Variants in UNC5B observed in about 807,000 individuals in gnomAD.
The protein encoded by UNC5B is unc-5 netrin receptor B.
In UNC5B, 56 loss-of-function variants were observed where a neutral mutation model predicts 103.7. The ratio of observed to expected loss-of-function variants is 0.54; its 90% CI spans 0.44 to 0.67. UNC5B has a LOEUF of 0.67. Ranked by LOEUF, UNC5B falls within the 30% of genes least tolerant of loss-of-function variation. UNC5B has a pLI of 0.00. For missense variants in UNC5B, 1,194 were observed against 1,284.5 expected, an observed-to-expected ratio of 0.93 and a Z score of 1.08; for synonymous variants, 577 against 542.0, an observed-to-expected ratio of 1.06 and a Z score of -0.90.
At position 71,300,176 on chromosome 10, in the gene UNC5B, G is replaced by A. The variant is rs1845556013; in HGVS notation, c.*899G>A. On this transcript the variant is annotated 3_prime_UTR_variant, in exon 17 of 17. Coordinates refer to ENST00000335350, the MANE Select transcript of UNC5B (RefSeq NM_170744.5). ...GCCTCAGTTTCCCCAGTTGTGCAGG[G>A]AGTAGGTCAGACAGGGTTTTCACTG... 1 of 152,194 alleles carries A rather than the reference G, an allele frequency of 6.6e-6. No individual in the cohort carries two copies. Among genetic ancestry groups the A allele is most frequent in the African/African-American group, 2.4e-5 (1 of 41,412 alleles). 9.4% of individuals were successfully genotyped at this position (152,194 alleles called of 1,614,324 possible).
intron 1 of UNC5B, among the ~76,000 whole-genome samples, chr10:71,214,045 C>A (rs1267686605): frequency 1.3e-5 from 2 of 152,210 alleles, no homozygotes; most frequent in Admixed American, 6.5e-5. Flanking sequence ...ATGGAGCCAG[C>A]CTCTCTCTGG....
chr10:71,275,293 A>G (rs202117634), intron 1 of UNC5B, among the ~76,000 whole-genome samples: 1 of 152,248 alleles, frequency 6.6e-6, no homozygotes, highest in Admixed American at 6.5e-5. Flanking sequence ...TCCTGCCAGC[A>G]GGAAACCCAG....
intron 2 of UNC5B, among the ~76,000 whole-genome samples, chr10:71,281,401 C>T (rs970770619): frequency 3.3e-5 from 5 of 150,940 alleles, no homozygotes; most frequent in South Asian, 2.1e-4. Context: ...AGTACAGTGG[C>T]GCAATCTCGG....
chr10:71,259,906 C>T lies in UNC5B; in HGVS notation c.80-19915C>T, dbSNP rs143122626. 2.3e-4 allele frequency among the ~76,000 whole-genome samples: 35 copies of T among 152,336 alleles called. No individual in the cohort carries two copies. The East Asian group carries it at 4.3e-3, about 19-fold the overall frequency. On this transcript the variant is annotated intron_variant, in intron 1 of 16. Coordinates refer to ENST00000335350, the MANE Select transcript of UNC5B (RefSeq NM_170744.5). ...GATAGCCCAGGGGACTGGATAGGGGCAGCTCGGAGTCTGCCCATCGTGGCT... is the reference window on the plus strand; with the variant it reads ...GATAGCCCAGGGGACTGGATAGGGGTAGCTCGGAGTCTGCCCATCGTGGCT...
At chr10:71,229,192 A>G (rs1481724993) in intron 1 of UNC5B, among the ~76,000 whole-genome samples, 1 of 152,232 alleles carries the variant, frequency 6.6e-6, no homozygotes, top group Non-Finnish European at 1.5e-5. Flanking sequence ...CCAGTCAGCC[A>G]GCCTCAGTCA....
At chr10:71,262,546 C>A (rs7072372) in intron 1 of UNC5B, among the ~76,000 whole-genome samples, 3 of 152,138 alleles carry the variant, frequency 2.0e-5, no homozygotes, top group Non-Finnish European at 4.4e-5. Context: ...CATTCATGCA[C>A]GAAGGATTTA....
intron 5 of UNC5B, 68 bp from the exon 6 acceptor site, chr10:71,287,530 G>A: frequency 6.6e-7 from 1 of 1,513,542 alleles, no homozygotes. Context: ...TCAGGGTGAG[G>A]GACGGGTTTG....
intron 1 of UNC5B, among the ~76,000 whole-genome samples, chr10:71,235,345 A>G (rs977129040): frequency 2.6e-5 from 4 of 152,070 alleles, no homozygotes; most frequent in Non-Finnish European, 4.4e-5. Flanking sequence ...TCATTTGCTG[A>G]GCCCCCACTG....
At chr10:71,220,844 G>A (rs1209788793) in intron 1 of UNC5B, among the ~76,000 whole-genome samples, 1 of 152,208 alleles carries the variant, frequency 6.6e-6, no homozygotes, top group Non-Finnish European at 1.5e-5. Context: ...GCTGCTCCTG[G>A]CTGAGGAGTT....
At chr10:71,297,767 G>T in intron 15 of UNC5B, 142 bp from the exon 16 acceptor site, 1 of 941,648 alleles carries the variant, frequency 1.1e-6, no homozygotes, top group Non-Finnish European at 1.5e-6. Flanking sequence ...CAAGGGAGAA[G>T]CCCCTGCCTG....
intron 1 of UNC5B, among the ~76,000 whole-genome samples, chr10:71,247,983 T>A (rs1176029756): frequency 6.6e-6 from 1 of 152,182 alleles, no homozygotes; most frequent in Non-Finnish European, 1.5e-5. Context: ...TCCTCCTATG[T>A]GGCCTTTACT....
intron 1 of UNC5B, among the ~76,000 whole-genome samples, chr10:71,242,742 C>T (rs1489877654): frequency 1.3e-5 from 2 of 152,308 alleles, no homozygotes; most frequent in Middle Eastern, 3.4e-3. Context: ...GGTCTGGGCT[C>T]TTGGTCGGCG....
In UNC5B at chr10:71,300,178, G is replaced by C. The variant is rs1190209685; in HGVS notation, c.*901G>C. On this transcript the variant is annotated 3_prime_UTR_variant, in exon 17 of 17. Coordinates refer to ENST00000335350, the MANE Select transcript of UNC5B (RefSeq NM_170744.5). ...CTCAGTTTCCCCAGTTGTGCAGGGA[G>C]TAGGTCAGACAGGGTTTTCACTGTC... 6.6e-6 allele frequency: 1 copy of C among 152,224 alleles called. No homozygotes were observed. The highest frequency in any genetic ancestry group is 1.5e-5 in the Non-Finnish European group (1 of 68,052). 9.4% of individuals were successfully genotyped at this position (152,224 alleles called of 1,614,324 possible). A position where few individuals can be genotyped will look rare whatever the true frequency, so the allele number is the denominator to read the frequency against.
Position 71,280,028 on chromosome 10 carries a change from G to T in UNC5B, c.287G>T (p.Gly96Val), listed in dbSNP as rs1477971881. 1 of 1,613,660 alleles carries T rather than the reference G, an allele frequency of 6.2e-7. No homozygotes were observed. Among genetic ancestry groups the T allele is most frequent in the South Asian group, 1.1e-5 (1 of 91,082 alleles). The change falls in exon 2 of 17, where the codon GGC (glycine) becomes GTC (valine). Residue 96 changes from glycine (G) to valine (V), a missense_variant. Gly to Val is a moderately radical substitution (Grantham distance 109). Transcript: ENST00000335350. ...CAGAACGACCACGTCACACAGGAAG[G>T]CCTGGATGAGGCCACCGGTGAGCCC... ...VSQNDHVTQE[G>V]LDEATGLRVR... is the part of the protein sequence containing the mutation.
In UNC5B at chr10:71,279,902, C is replaced by T. The variant is rs945821290; in HGVS notation, c.161C>T (p.Pro54Leu). ...CCGCTGCCCTACTTCCTGCAGGAGC[C>T]ACAGGACGCCTACATTGTGAAGAAC... ...AEPLPYFLQE[P>L]QDAYIVKNKP... The change falls in exon 2 of 17, where the codon CCA becomes CTA. Residue 54 changes from proline to leucine, a missense_variant. Coordinates refer to ENST00000335350, the MANE Select transcript of UNC5B (RefSeq NM_170744.5). 1 of 1,613,892 alleles carries T rather than the reference C, an allele frequency of 6.2e-7. No homozygotes were observed. Among genetic ancestry groups the T allele is most frequent in the Non-Finnish European group, 8.5e-7 (1 of 1,180,018 alleles).
intron 13 of UNC5B, among the ~76,000 whole-genome samples, chr10:71,295,332 A>G (rs1201981352): frequency 6.6e-6 from 1 of 152,068 alleles, no homozygotes; most frequent in African/African-American, 2.4e-5. Context: ...TTCTTTGTTT[A>G]TTCAACCCTC....
At chr10:71,277,182 C>T (rs1054503199) in intron 1 of UNC5B, among the ~76,000 whole-genome samples, 1 of 152,262 alleles carries the variant, frequency 6.6e-6, no homozygotes, top group Admixed American at 6.5e-5. Flanking sequence ...CTGCAGAGCA[C>T]AGAGGCGGCT....
intron 5 of UNC5B, 65 bp from the exon 6 acceptor site, chr10:71,287,533 C>A: frequency 1.3e-6 from 2 of 1,513,682 alleles, no homozygotes; most frequent in Non-Finnish European, 1.8e-6. Context: ...GGGTGAGGGA[C>A]GGGTTTGGGG....
intron 1 of UNC5B, among the ~76,000 whole-genome samples, chr10:71,257,077 C>T (rs1160773361): frequency 6.6e-6 from 1 of 152,154 alleles, no homozygotes; most frequent in Non-Finnish European, 1.5e-5. Context: ...CAGCTGGCAT[C>T]GACCCTCCTG....
Sources: allele counts gnomAD v4.1 joint callset (sites outside exome capture counted in the v4.1 genomes callset), GRCh38; gene constraint gnomAD v4.1.1; transcripts MANE v1.5; gene names NCBI Gene and HGNC (gene_info 2026-07-23, HGNC 2026-07-21).